TEX30: variants seen among roughly 807,000 people sequenced by gnomAD.
TEX30 encodes the protein testis-expressed protein 30.
In TEX30, 14 loss-of-function variants were observed where a neutral mutation model predicts 23.8. The ratio of observed to expected loss-of-function variants is 0.59; its 90% CI spans 0.39 to 0.92. The LOEUF (loss-of-function observed/expected upper bound fraction) is 0.92, where lower values mean the gene tolerates loss of function less well. Among genes scored for constraint, TEX30 ranks in the 40% least tolerant of loss-of-function variants. The probability of loss-of-function intolerance (pLI) is 0.00; values close to 1 mark genes in which losing one functional copy is unlikely to be tolerated. For synonymous variants in TEX30, 78 were observed against 90.2 expected (o/e 0.87, Z 0.76); for missense variants, 246 against 270.6 (o/e 0.91, Z 0.64).
intron 1 of TEX30, among the ~76,000 whole-genome samples, chr13:102,771,956 G>C (rs1234507974): frequency 6.6e-6 from 1 of 152,182 alleles, no homozygotes; most frequent in Non-Finnish European, 1.5e-5. Flanking sequence ...GGTTAATACA[G>C]GGTTTGCTAA....
Position 102,772,179 on chromosome 13 carries a change from GGACAGGCCGGAAAATTGA to G in TEX30, c.-61+1485_-61+1502del, listed in dbSNP as rs1375520893. Among the ~76,000 whole-genome samples, 5 of 151,396 alleles carry G rather than the reference GGACAGGCCGGAAAATTGA, an allele frequency of 3.3e-5. 1 individual carries two copies. Among genetic ancestry groups the G allele is most frequent in the African/African-American group, 1.2e-4 (5 of 41,234 alleles). On this transcript the variant is annotated intron_variant, in intron 1 of 5. Coordinates refer to ENST00000376032, the MANE Select transcript of TEX30 (RefSeq NM_138779.5). ...TTTTGAGACAGGTTCTCGCTCCGGCGGACAGGCCGGAAAATTGAGTGGCGCAATCATAAGCTCACTGAA... is the reference window on the plus strand; with the variant it reads ...TTTTGAGACAGGTTCTCGCTCCGGCGGTGGCGCAATCATAAGCTCACTGAA...
intron 3 of TEX30, 63 bp from the exon 4 acceptor site, chr13:102,768,374 A>T: frequency 8.4e-7 from 1 of 1,184,136 alleles, no homozygotes; most frequent in South Asian, 1.4e-5. Flanking sequence ...AAGGCAAGAT[A>T]TATTGTTTCT....
intron 1 of TEX30, among the ~76,000 whole-genome samples, chr13:102,770,487 GC>G (rs1877245204): frequency 6.6e-6 from 1 of 152,104 alleles, no homozygotes; most frequent in South Asian, 2.1e-4. Context: ...TAGTTCCCAA[GC>G]CTACCCATCC....
intron 3 of TEX30, 81 bp downstream of exon 3, chr13:102,769,230 T>C: frequency 9.5e-7 from 1 of 1,052,180 alleles, no homozygotes; most frequent in Admixed American, 3.4e-5. Context: ...TTAAACCAGA[T>C]GACTAATAAA....
chr13:102,770,305 T>C, intron 1 of TEX30: 1 of 287,132 alleles, frequency 3.5e-6, no homozygotes, highest in East Asian at 5.5e-5. Flanking sequence ...AGGTGATACT[T>C]TGACATGGAA....
chr13:102,772,115 C>T (rs1877363634), intron 1 of TEX30, among the ~76,000 whole-genome samples: 1 of 151,932 alleles, frequency 6.6e-6, no homozygotes, highest in South Asian at 2.1e-4. Context: ...ATGTAAACAA[C>T]CACTATCTTA....
chr13:102,773,010 C>T (rs915039403), intron 1 of TEX30, among the ~76,000 whole-genome samples: 1 of 152,214 alleles, frequency 6.6e-6, no homozygotes, highest in African/African-American at 2.4e-5. Flanking sequence ...TAGTGGCGTC[C>T]GGAGCGCCGG....
chr13:102,770,700 C>T (rs894084792), intron 1 of TEX30: 11 of 152,180 alleles, frequency 7.2e-5, no homozygotes, highest in African/African-American at 2.7e-4. Context: ...GAAAAACATG[C>T]TCTAGGTGGT....
At chr13:102,766,658 C>A in intron 5 of TEX30, 78 bp from the exon 6 acceptor site, 1 of 1,332,728 alleles carries the variant, frequency 7.5e-7, no homozygotes, top group Non-Finnish European at 1.0e-6. Flanking sequence ...CCTGCCTATA[C>A]TGGCATTCAT....
intron 1 of TEX30, among the ~76,000 whole-genome samples, chr13:102,771,225 T>C (rs952523576): frequency 6.6e-6 from 1 of 152,226 alleles, no homozygotes; most frequent in Non-Finnish European, 1.5e-5. Context: ...CATAATTTTT[T>C]ACAGAATTTT....
chr13:102,768,175 C>T, intron 4 of TEX30, 85 bp downstream of exon 4: 1 of 1,178,182 alleles, frequency 8.5e-7, no homozygotes, highest in East Asian at 2.5e-5. Flanking sequence ...AATTAGCTTC[C>T]TATGATCAAC....
At chr13:102,768,877 C>A (rs1452993271) in intron 3 of TEX30, among the ~76,000 whole-genome samples, 1 of 152,122 alleles carries the variant, frequency 6.6e-6, no homozygotes, top group African/African-American at 2.4e-5. Flanking sequence ...CTGTCCTGGG[C>A]CATATGTGGC....
At chr13:102,773,382 G>A (rs1340151477) in intron 1 of TEX30, 1 of 152,124 alleles carries the variant, frequency 6.6e-6, no homozygotes, top group Non-Finnish European at 1.5e-5. Context: ...TCAACTCCGA[G>A]GCTACTTCGA....
At chr13:102,772,641 T>C (rs751433537) in intron 1 of TEX30, among the ~76,000 whole-genome samples, 6 of 152,178 alleles carry the variant, frequency 3.9e-5, no homozygotes, top group African/African-American at 4.8e-5. Flanking sequence ...AGCGGCGCGA[T>C]CTCGGCTCAC....
intron 5 of TEX30, 99 bp downstream of exon 5, chr13:102,767,174 G>T: frequency 8.0e-7 from 1 of 1,250,214 alleles, no homozygotes; most frequent in Non-Finnish European, 1.1e-6. Context: ...AGTCAAATTA[G>T]CAATTTTTAA....
At chr13:102,772,413 G>A (rs963360011) in intron 1 of TEX30, among the ~76,000 whole-genome samples, 2 of 152,182 alleles carry the variant, frequency 1.3e-5, no homozygotes, top group African/African-American at 4.8e-5. Flanking sequence ...CTCCCAAACC[G>A]TTGGGATCCC....
intron 1 of TEX30, among the ~76,000 whole-genome samples, chr13:102,772,444 C>G (rs146715855): frequency 6.6e-6 from 1 of 152,216 alleles, no homozygotes; most frequent in African/African-American, 2.4e-5. Flanking sequence ...CCACCTCTCC[C>G]GGTCTGCTTT....
intron 2 of TEX30, 112 bp from the exon 3 acceptor site, chr13:102,769,653 C>A: frequency 1.5e-6 from 1 of 668,832 alleles, no homozygotes; most frequent in Non-Finnish European, 2.5e-6. Context: ...TCATAGCCTC[C>A]AAATAAAAAG....
chr13:102,772,964 C>A (rs1289497541), intron 1 of TEX30, among the ~76,000 whole-genome samples: 1 of 152,244 alleles, frequency 6.6e-6, no homozygotes, highest in African/African-American at 2.4e-5. Context: ...GTGAAGATGA[C>A]CGGCTAGAGG....
Sources: allele counts gnomAD v4.1 joint callset (sites outside exome capture counted in the v4.1 genomes callset), GRCh38; gene constraint gnomAD v4.1.1; transcripts MANE v1.5; gene names NCBI Gene and HGNC (gene_info 2026-07-23, HGNC 2026-07-21).